PCDHGA2: variants seen among roughly 807,000 people sequenced by gnomAD.
PCDHGA2 encodes protocadherin gamma subfamily A, 2, also known as protocadherin gamma-A2.
A neutral mutation model predicts 59.2 loss-of-function variants in PCDHGA2; 40 were observed. The observed-to-expected ratio is 0.68, with a 90% CI of 0.52 to 0.88. The LOEUF (loss-of-function observed/expected upper bound fraction) is 0.88, where lower values mean the gene tolerates loss of function less well. Among genes scored for constraint, PCDHGA2 ranks in the 40% least tolerant of loss-of-function variants. The probability of loss-of-function intolerance (pLI) is 0.00; values close to 1 mark genes in which losing one functional copy is unlikely to be tolerated. For synonymous variants in PCDHGA2, 560 were observed against 526.0 expected (o/e 1.06, Z -0.89); for missense variants, 1,226 against 1,204.0 (o/e 1.02, Z -0.27).
intron 1 of PCDHGA2, chr5:141,384,303 G>A (rs1199465212): frequency 1.2e-6 from 2 of 1,613,716 alleles, no homozygotes; most frequent in East Asian, 4.5e-5. Context: ...ACCCCAGAGG[G>A]GCCTCCATTT....
Position 141,485,428 on chromosome 5 carries a change from C to T in PCDHGA2, c.2425-9379C>T, listed in dbSNP as rs2099613200. Reference sequence around the variant, plus strand: ...TGGATTTGGACAGCGGAGCCCTGCTCATCAAGAACCCAATCGACCGAGAGG... The same window carrying T: ...TGGATTTGGACAGCGGAGCCCTGCTTATCAAGAACCCAATCGACCGAGAGG... On this transcript the variant is annotated intron_variant, in intron 1 of 3. Transcript: ENST00000394576. The surrounding 1 kb of genome is among the most constrained non-coding windows in gnomAD (Gnocchi z 5.7). The T allele has an allele frequency of 2.5e-6, 4 of 1,614,160 alleles. No homozygotes were observed. The highest frequency in any genetic ancestry group is 3.4e-6 in the Non-Finnish European group (4 of 1,180,022).
chr5:141,494,736 T>A, intron 1 of PCDHGA2, 71 bp from the exon 2 acceptor site: 2 of 1,611,858 alleles, frequency 1.2e-6, no homozygotes, highest in Non-Finnish European at 1.7e-6. Flanking sequence ...TCCCGGCCCA[T>A]CCCTAGGGGC....
At chr5:141,375,536 G>T in intron 1 of PCDHGA2, 1 of 1,613,972 alleles carries the variant, frequency 6.2e-7, no homozygotes, top group Non-Finnish European at 8.5e-7. Flanking sequence ...GGACCAGAAC[G>T]CCCAAGTCTC....
intron 1 of PCDHGA2, chr5:141,370,454 C>A: frequency 6.2e-7 from 1 of 1,611,484 alleles, no homozygotes; most frequent in Non-Finnish European, 8.5e-7. Context: ...TATTTCTCTT[C>A]CTGCTCTCTT....
At chr5:141,462,415 C>G (rs998182982) in intron 1 of PCDHGA2, among the ~76,000 whole-genome samples, 2 of 152,092 alleles carry the variant, frequency 1.3e-5, no homozygotes, top group Non-Finnish European at 2.9e-5. Context: ...AGAATATGGT[C>G]TATCTTGGTG....
Position 141,511,309 on chromosome 5 carries a change from G to C in PCDHGA2, c.*136G>C. The stretch of plus-strand genomic sequence containing the variant: ...GGGGCCAAGGCCATGCTCCCCTTGG[G>C]AAACAGAAACAAGTGCCCAGTCAGC... On this transcript the variant is annotated 3_prime_UTR_variant, in exon 4 of 4. Coordinates refer to ENST00000394576, the MANE Select transcript of PCDHGA2 (RefSeq NM_018915.4). 4.0e-6 allele frequency: 6 copies of C among 1,485,470 alleles called. No homozygotes were observed. Among genetic ancestry groups the C allele is most frequent in the Non-Finnish European group, 4.5e-6 (5 of 1,113,432 alleles). 92.0% of individuals were successfully genotyped at this position (1,485,470 alleles called of 1,614,324 possible).
Position 141,491,262 on chromosome 5 carries a change from G to A in PCDHGA2, c.2425-3545G>A. ...TGGAGGATGAGGACCCTGAGGAAATGCCCAAATCCAGTGACTTCCTCATAC... is the reference window on the plus strand; with the variant it reads ...TGGAGGATGAGGACCCTGAGGAAATACCCAAATCCAGTGACTTCCTCATAC... On this transcript the variant is annotated intron_variant, in intron 1 of 3. Transcript: ENST00000394576. The surrounding 1 kb of genome is among the most constrained non-coding windows in gnomAD (Gnocchi z 6.9). 2 of 1,614,122 alleles carry A rather than the reference G, an allele frequency of 1.2e-6. No individual in the cohort carries two copies. Among genetic ancestry groups the A allele is most frequent in the Non-Finnish European group, 1.7e-6 (2 of 1,179,952 alleles).
intron 1 of PCDHGA2, chr5:141,421,806 A>G: frequency 6.2e-7 from 1 of 1,613,842 alleles, no homozygotes; most frequent in Non-Finnish European, 8.5e-7. Context: ...CCAAGAATCC[A>G]GAGCTAGTAC....
intron 1 of PCDHGA2, chr5:141,365,931 C>T (rs1221190365): frequency 6.2e-7 from 1 of 1,614,112 alleles, no homozygotes; most frequent in African/African-American, 1.3e-5. Flanking sequence ...TGGGTGACAG[C>T]CAGCGACAGT....
At chr5:141,373,965 G>T in intron 1 of PCDHGA2, 2 of 971,546 alleles carry the variant, frequency 2.1e-6, no homozygotes, top group East Asian at 2.9e-5. Context: ...GACCTGAAAC[G>T]CTTCGCATCC....
rs748950800 is a variant in PCDHGA2, at chr5:141,476,983, C to T, written c.2425-17824C>T. ...ACTCCTTCGGCAGCCACAACCGCGC[C>T]GGCGTGCGGCAACTATTCGCCTTAG... On this transcript the variant is annotated intron_variant, in intron 1 of 3. Transcript: ENST00000394576. The surrounding 1 kb of genome is among the most constrained non-coding windows in gnomAD (Gnocchi z 7.6). 12 of 1,614,096 alleles carry T rather than the reference C, an allele frequency of 7.4e-6. No individual in the cohort carries two copies. The highest frequency in any genetic ancestry group is 8.5e-7 in the Non-Finnish European group (1 of 1,180,046).
At chr5:141,430,950 T>C (rs756423770) in intron 1 of PCDHGA2, 5 of 1,609,980 alleles carry the variant, frequency 3.1e-6, no homozygotes, top group East Asian at 2.2e-5. Flanking sequence ...GAGCGCGGAG[T>C]CCGCATCATC....
intron 1 of PCDHGA2, among the ~76,000 whole-genome samples, chr5:141,436,221 G>C (rs1468526543): frequency 6.6e-6 from 1 of 152,004 alleles, no homozygotes; most frequent in African/African-American, 2.4e-5. Context: ...CAAATGACTT[G>C]GGAAACTAAG....
At chr5:141,345,951 C>T in intron 1 of PCDHGA2, 2 of 1,613,632 alleles carry the variant, frequency 1.2e-6, no homozygotes, top group Non-Finnish European at 1.7e-6. Flanking sequence ...CGCGCTCAAG[C>T]AGAGCCTCGT....
intron 1 of PCDHGA2, chr5:141,421,419 A>T (rs778839137): frequency 1.2e-6 from 2 of 1,614,072 alleles, no homozygotes; most frequent in Non-Finnish European, 1.7e-6. Context: ...CGAAGCGCGG[A>T]GTCCGCATCG....
intron 1 of PCDHGA2, among the ~76,000 whole-genome samples, chr5:141,457,984 A>G (rs1210742359): frequency 2.0e-5 from 3 of 152,226 alleles, no homozygotes; most frequent in Non-Finnish European, 1.5e-5. Context: ...ACACCCTTTC[A>G]GTTAAAGCCT....
chr5:141,413,762 C>T (rs538764130), intron 1 of PCDHGA2: 3 of 1,612,894 alleles, frequency 1.9e-6, no homozygotes, highest in Admixed American at 1.7e-5. Flanking sequence ...GTCAAGTACC[C>T]GGAGCTGGTA....
chr5:141,428,199 C>T (rs760718878), intron 1 of PCDHGA2: 28 of 1,364,510 alleles, frequency 2.1e-5, no homozygotes, highest in Non-Finnish European at 2.9e-5. Flanking sequence ...CTCTCTGCGC[C>T]GCTACGCTTC....
At chr5:141,488,389 A>G (rs1322717951) in intron 1 of PCDHGA2, among the ~76,000 whole-genome samples, 1 of 152,224 alleles carries the variant, frequency 6.6e-6, no homozygotes, top group East Asian at 1.9e-4. Context: ...GAATTTGGTG[A>G]AACCATGAAA....
Sources: allele counts gnomAD v4.1 joint callset (sites outside exome capture counted in the v4.1 genomes callset), GRCh38; gene constraint gnomAD v4.1.1; non-coding constraint Gnocchi (gnomAD v3.1); transcripts MANE v1.5; gene names NCBI Gene and HGNC (gene_info 2026-07-23, HGNC 2026-07-21).